The following ZNF670 variants were observed in gnomAD, a reference collection of about 807,000 sequenced individuals.
ZNF670 encodes the protein zinc finger protein 670.
In ZNF670, 7 loss-of-function variants were observed where a neutral mutation model predicts 10.9. The observed-to-expected ratio is 0.64, with a 90% confidence interval of 0.36 to 1.20. The LOEUF (loss-of-function observed/expected upper bound fraction) is 1.20, where lower values mean the gene tolerates loss of function less well. ZNF670 is among the 50% of genes most tolerant of loss of function. The pLI is 0.02. For synonymous variants in ZNF670, 136 were observed against 152.7 expected (o/e 0.89, Z 0.81); for missense variants, 446 against 458.6 (o/e 0.97, Z 0.25).
Position 247,038,396 on chromosome 1 carries a change from TA to T in ZNF670, c.222del (p.Glu76LysfsTer15). The T allele has an allele frequency of 6.2e-7, 1 of 1,612,408 alleles. No homozygotes were observed. On this transcript the variant is annotated frameshift_variant, in exon 4 of 4. Transcript: ENST00000366503. LOFTEE classifies it low-confidence loss of function (END_TRUNC). Reference sequence around the variant, plus strand: ...GTTTCTCCATATTGACTGCCTTCTTTAATTTCAAACAGTCTCTCTACCACAT... The same window carrying T: ...GTTTCTCCATATTGACTGCCTTCTTTATTTCAAACAGTCTCTCTACCACAT... ...SSHVVERLFE[I>X]KEGSQYGETF...
chr1:247,042,440 G>A (rs1021709692), intron 1 of ZNF670, among the ~76,000 whole-genome samples: 1 of 152,174 alleles, frequency 6.6e-6, no homozygotes, highest in Non-Finnish European at 1.5e-5. Flanking sequence ...TGACACTTGT[G>A]GATCCATTAG....
At chr1:247,043,295 C>T (rs1009687644) in intron 1 of ZNF670, 1 of 628,546 alleles carries the variant, frequency 1.6e-6, no homozygotes, top group Non-Finnish European at 3.0e-6. Flanking sequence ...ATTGTTTGGT[C>T]TGTGATAAAT....
intron 1 of ZNF670, among the ~76,000 whole-genome samples, chr1:247,039,975 C>T (rs905432623): frequency 3.3e-5 from 5 of 152,160 alleles, no homozygotes; most frequent in Admixed American, 6.5e-5. Context: ...ATTTTTTTGA[C>T]GGATCTCATC....
intron 1 of ZNF670, among the ~76,000 whole-genome samples, 173 bp from the exon 2 acceptor site, chr1:247,039,710 C>G (rs1311097592): frequency 2.0e-5 from 3 of 152,236 alleles, no homozygotes; most frequent in Admixed American, 6.5e-5. Flanking sequence ...ACTCAACATT[C>G]TTCATGCTAA....
rs540061078 is a variant in ZNF670, at chr1:247,043,738, G to A, written c.4-4201C>T. Reference sequence around the variant, plus strand: ...TCATTTACCGCAGAGCCCTTTTAGCGTTCATCCTAAAACAGGTCGCATTTC... The same window carrying A: ...TCATTTACCGCAGAGCCCTTTTAGCATTCATCCTAAAACAGGTCGCATTTC... On this transcript the variant is annotated intron_variant, in intron 1 of 3. Transcript: ENST00000366503. 5.5e-4 allele frequency: 230 copies of A among 421,438 alleles called. 2 individuals carry two copies. Among genetic ancestry groups the A allele is most frequent in the South Asian group, 3.4e-3 (179 of 53,238 alleles). The allele number at this position is 421,438 out of a possible 1,614,324, so 26.1% of individuals were successfully genotyped here. A position where few individuals can be genotyped will look rare whatever the true frequency, so the allele number is the denominator to read the frequency against.
rs1443673019 is a variant in ZNF670 at position 247,066,022 on chromosome 1, T to C, written c.3+12572A>G. 3.3e-5 allele frequency among the ~76,000 whole-genome samples: 5 copies of C among 152,048 alleles called. No homozygotes were observed. In the South Asian group the frequency reaches 6.2e-4, roughly 19 times the overall value. ...GTCCCATAGCAGTGTAATGGGTGAATAGGGGCACCCACAGCCTTAGACAGT... is the reference window on the plus strand; with the variant it reads ...GTCCCATAGCAGTGTAATGGGTGAACAGGGGCACCCACAGCCTTAGACAGT... On this transcript the variant is annotated intron_variant, in intron 1 of 3. Transcript: ENST00000366503.
intron 1 of ZNF670, chr1:247,043,867 G>T (rs1363802506): frequency 6.1e-6 from 2 of 326,476 alleles, no homozygotes; most frequent in African/African-American, 2.2e-5. Flanking sequence ...TAATGAAGAG[G>T]AAAAAAGGAG....
At chr1:247,067,045 C>T (rs545098662) in intron 1 of ZNF670, among the ~76,000 whole-genome samples, 2 of 152,164 alleles carry the variant, frequency 1.3e-5, no homozygotes, top group African/African-American at 4.8e-5. Context: ...GTAGGCTGTG[C>T]CCCCAACTAC....
intron 1 of ZNF670, among the ~76,000 whole-genome samples, chr1:247,065,929 A>C (rs1160305649): frequency 6.6e-6 from 1 of 152,226 alleles, no homozygotes; most frequent in Non-Finnish European, 1.5e-5. Context: ...TAAATTTATG[A>C]AGCATTGTCA....
Position 247,037,274 on chromosome 1 carries a change from T to G in ZNF670, c.*175A>C, listed in dbSNP as rs1962278. On this transcript the variant is annotated 3_prime_UTR_variant, in exon 4 of 4. Transcript: ENST00000366503. ...GACGTTCTTTCCCAGGACGGGTCCTTCTAAGTTTTAGAAGGGAACTAGGAA... is the reference window on the plus strand; with the variant it reads ...GACGTTCTTTCCCAGGACGGGTCCTGCTAAGTTTTAGAAGGGAACTAGGAA... 2 of 710,466 alleles carry G rather than the reference T, an allele frequency of 2.8e-6. No individual in the cohort carries two copies. Among genetic ancestry groups the G allele is most frequent in the African/African-American group, 3.6e-5 (2 of 55,248 alleles). The allele number at this position is 710,466 out of a possible 1,614,324, so 44.0% of individuals were successfully genotyped here.
At chr1:247,058,639 A>C (rs1670776795) in intron 1 of ZNF670, among the ~76,000 whole-genome samples, 1 of 152,004 alleles carries the variant, frequency 6.6e-6, no homozygotes, top group Admixed American at 6.6e-5. Context: ...ACAAGGGAGA[A>C]AGACAAAAGA....
chr1:247,046,543 T>C (rs1341645489), intron 1 of ZNF670, among the ~76,000 whole-genome samples: 1 of 152,182 alleles, frequency 6.6e-6, no homozygotes, highest in Admixed American at 6.5e-5. Flanking sequence ...ATACAAGAGT[T>C]AAGGAAGCTT....
chr1:247,052,087 T>C (rs1334922378), intron 1 of ZNF670, among the ~76,000 whole-genome samples: 1 of 152,118 alleles, frequency 6.6e-6, no homozygotes, highest in Non-Finnish European at 1.5e-5. Context: ...ATTCTTTTCC[T>C]GGCAATTCAG....
chr1:247,055,905 A>G (rs1212044992), intron 1 of ZNF670, among the ~76,000 whole-genome samples: 1 of 152,220 alleles, frequency 6.6e-6, no homozygotes, highest in African/African-American at 2.4e-5. Flanking sequence ...AACTATAAAA[A>G]GAGACAAAGA....
At chr1:247,068,785 T>A (rs1464224874) in intron 1 of ZNF670, among the ~76,000 whole-genome samples, 1 of 73,834 alleles carries the variant, frequency 1.4e-5, no homozygotes, top group Admixed American at 1.7e-4. Flanking sequence ...AATGAATGCA[T>A]AAAGAAAATG....
At chr1:247,043,543 G>A (rs1247519845) in intron 1 of ZNF670, 2 of 669,704 alleles carry the variant, frequency 3.0e-6, no homozygotes, top group Non-Finnish European at 5.3e-6. Context: ...AAACAATTCA[G>A]GATGAACTTC....
At chr1:247,074,348 C>T (rs1429460845) in intron 1 of ZNF670, among the ~76,000 whole-genome samples, 2 of 151,920 alleles carry the variant, frequency 1.3e-5, no homozygotes, top group South Asian at 2.1e-4. Context: ...ACAGGCTGAC[C>T]TCAGGGTGAA....
chr1:247,062,237 A>G (rs1453288833), intron 1 of ZNF670, among the ~76,000 whole-genome samples: 2 of 152,096 alleles, frequency 1.3e-5, no homozygotes, highest in African/African-American at 2.4e-5. Context: ...TGCACCCACA[A>G]TGGAAGAGAC....
intron 1 of ZNF670, among the ~76,000 whole-genome samples, chr1:247,068,808 C>A (rs1671050035): frequency 7.8e-6 from 1 of 128,884 alleles, no homozygotes; most frequent in African/African-American, 3.3e-5. Context: ...CTAATATACA[C>A]ACACTGGGGT....
Sources: gnomAD v4.1 joint callset for allele counts (sites outside exome capture counted in the v4.1 genomes callset) on GRCh38, gnomAD v4.1.1 for gene constraint, MANE v1.5 for transcripts, NCBI Gene and HGNC (gene_info 2026-07-23, HGNC 2026-07-21) for gene names.